AEBP2: variants seen among roughly 807,000 people sequenced by gnomAD.
AEBP2 encodes the protein zinc finger protein AEBP2.
A neutral mutation model predicts 50.8 loss-of-function variants in AEBP2; 10 were observed. The observed-to-expected ratio is 0.20, with a 90% confidence interval of 0.12 to 0.33. The LOEUF is 0.33. Ranked by LOEUF, AEBP2 falls within the 10% of genes least tolerant of loss-of-function variation. AEBP2 has a pLI of 1.00. For synonymous variants in AEBP2, 296 were observed against 261.3 expected, an observed-to-expected ratio of 1.13 and a Z score of -1.28; for missense variants, 570 against 688.0, an observed-to-expected ratio of 0.83 and a Z score of 1.92.
At chr12:19,474,446 G>C (rs185590283) in intron 3 of AEBP2, among the ~76,000 whole-genome samples, 3 of 152,060 alleles carry the variant, frequency 2.0e-5, no homozygotes, top group Admixed American at 6.5e-5. Context: ...TTATAGCAAA[G>C]GTTTACACTA....
intron 2 of AEBP2, among the ~76,000 whole-genome samples, chr12:19,463,749 C>T (rs1193054880): frequency 2.0e-5 from 3 of 147,586 alleles, no homozygotes; most frequent in Non-Finnish European, 4.4e-5. Flanking sequence ...TCTCAGCTCA[C>T]CGCAGCCTCT....
intron 1 of AEBP2, chr12:19,456,159 C>T: frequency 1.1e-6 from 1 of 941,188 alleles, no homozygotes; most frequent in Non-Finnish European, 1.6e-6. Flanking sequence ...TACTACTAAA[C>T]TTAAATGGCC....
intron 5 of AEBP2, chr12:19,509,038 A>G: frequency 3.4e-6 from 2 of 584,414 alleles, no homozygotes; most frequent in Admixed American, 1.9e-5. Context: ...CAAAATCTGC[A>G]TGTGGCATGT....
chr12:19,483,811 C>G (rs940076084), intron 3 of AEBP2, among the ~76,000 whole-genome samples: 1 of 152,060 alleles, frequency 6.6e-6, no homozygotes, highest in African/African-American at 2.4e-5. Flanking sequence ...AGTGATGAAT[C>G]CTGAATATGT....
At chr12:19,518,010 T>C (rs12821385) in intron 7 of AEBP2, 77 bp from the exon 8 acceptor site, 145,620 of 1,322,998 alleles carry the variant, frequency 0.11, 8,643 homozygotes, top group Middle Eastern at 0.16. Context: ...ATCTTATTAA[T>C]ATTTTTAATG....
chr12:19,464,432 T>C (rs1379073873), intron 2 of AEBP2, among the ~76,000 whole-genome samples: 1 of 152,150 alleles, frequency 6.6e-6, no homozygotes, highest in Admixed American at 6.5e-5. Context: ...TCTTAGTAGA[T>C]GTGGGAGAGG....
chr12:19,466,702 G>C, intron 2 of AEBP2: 1 of 686,130 alleles, frequency 1.5e-6, no homozygotes, highest in South Asian at 6.6e-5. Flanking sequence ...GATTTTGTTG[G>C]CCTAATTATT....
upstream of AEBP2, among the ~76,000 whole-genome samples, chr12:19,436,759 TAAC>T (rs1309994766): frequency 6.6e-6 from 1 of 151,812 alleles, no homozygotes; most frequent in Admixed American, 6.6e-5. Context: ...CCTGGCTAGT[TAAC>T]AACAAAAAAA....
chr12:19,405,925 C>T (rs781390674), intron 1 of AEBP2, among the ~76,000 whole-genome samples: 3 of 151,748 alleles, frequency 2.0e-5, no homozygotes, highest in Non-Finnish European at 4.4e-5. Context: ...TGTCAGCCTC[C>T]GGAGTAGCTG....
At chr12:19,422,311 C>T (rs552303831) in intron 1 of AEBP2, among the ~76,000 whole-genome samples, 21 of 152,074 alleles carry the variant, frequency 1.4e-4, no homozygotes, top group African/African-American at 4.8e-4. Context: ...AATCTACACT[C>T]GAAAGGAAGT....
Position 19,518,308 on chromosome 12 carries a change from GAATATATT to G in AEBP2, c.*201_*208del, listed in dbSNP as rs1455200988. 1 of 1,284,686 alleles carries G rather than the reference GAATATATT, an allele frequency of 7.8e-7. No individual in the cohort carries two copies. The highest frequency in any genetic ancestry group is 9.8e-7 in the Non-Finnish European group (1 of 1,017,286). The allele number at this position is 1,284,686 out of a possible 1,614,324, so 79.6% of individuals were successfully genotyped here. On this transcript the variant is annotated 3_prime_UTR_variant, in exon 8 of 8. Transcript: ENST00000266508. ...TGTGAATGAAGTAGACTCTTCGGTG[GAATATATT>G]AATATATTACTGTATATCCACATTT... is the stretch of plus-strand genomic sequence containing the variant.
At position 19,439,609 on chromosome 12, in the gene AEBP2, T is replaced by G; in HGVS notation, c.-91T>G. 1.4e-6 allele frequency: 2 copies of G among 1,440,914 alleles called. No homozygotes were observed. Among genetic ancestry groups the G allele is most frequent in the Non-Finnish European group, 1.8e-6 (2 of 1,088,774 alleles). 89.3% of individuals were successfully genotyped at this position (1,440,914 alleles called of 1,614,324 possible). ...TGCTCTGCAGCGGCGTCGGCGGAGT[T>G]TTGGGCGTTTGGGAGGGGGGCGAGG... On this transcript the variant is annotated 5_prime_UTR_variant, in exon 1 of 8. Transcript: ENST00000266508.
Position 19,518,322 on chromosome 12 carries a change from A to G in AEBP2, c.*205A>G, listed in dbSNP as rs1405959488. On this transcript the variant is annotated 3_prime_UTR_variant, in exon 8 of 8. Transcript: ENST00000266508. ...ACTCTTCGGTGGAATATATTAATATATTACTGTATATCCACATTTTCATGG... is the reference window on the plus strand; with the variant it reads ...ACTCTTCGGTGGAATATATTAATATGTTACTGTATATCCACATTTTCATGG... 2.4e-6 allele frequency: 3 copies of G among 1,263,296 alleles called. No homozygotes were observed. Among genetic ancestry groups the G allele is most frequent in the Non-Finnish European group, 3.0e-6 (3 of 1,005,836 alleles). 78.3% of individuals were successfully genotyped at this position (1,263,296 alleles called of 1,614,324 possible).
At chr12:19,451,211 C>T (rs1001110505) in intron 1 of AEBP2, among the ~76,000 whole-genome samples, 17 of 152,108 alleles carry the variant, frequency 1.1e-4, no homozygotes, top group Admixed American at 7.9e-4. Context: ...ATGATTTGGG[C>T]CGGGTTCTGC....
intron 5 of AEBP2, among the ~76,000 whole-genome samples, chr12:19,500,872 A>G (rs1253515972): frequency 6.6e-6 from 1 of 152,238 alleles, no homozygotes; most frequent in African/African-American, 2.4e-5. Context: ...TTGGTTAATT[A>G]GGAGTTGTAA....
At chr12:19,486,333 A>C (rs903814887) in intron 3 of AEBP2, among the ~76,000 whole-genome samples, 14 of 152,310 alleles carry the variant, frequency 9.2e-5, no homozygotes, top group African/African-American at 1.4e-4. Flanking sequence ...CACTGTACAG[A>C]TAAATCCATT....
chr12:19,419,392 A>G (rs2095744374), intron 1 of AEBP2, among the ~76,000 whole-genome samples: 1 of 151,772 alleles, frequency 6.6e-6, no homozygotes, highest in Admixed American at 6.6e-5. Context: ...AATCGAGACC[A>G]TCCTGGCTAC....
At chr12:19,452,504 C>CTTTT (rs753170316) in intron 1 of AEBP2, among the ~76,000 whole-genome samples, 1 of 147,604 alleles carries the variant, frequency 6.8e-6, no homozygotes, top group Non-Finnish European at 1.5e-5. Flanking sequence ...TTTTCTTTTT[C>CTTTT]TTTTTTTTTT....
At chr12:19,492,823 A>G (rs1372161809) in intron 3 of AEBP2, among the ~76,000 whole-genome samples, 1 of 151,928 alleles carries the variant, frequency 6.6e-6, no homozygotes, top group Admixed American at 6.6e-5. Flanking sequence ...AACAACAACA[A>G]AATATTAGTA....
Sources: gnomAD v4.1 joint callset for allele counts (sites outside exome capture counted in the v4.1 genomes callset) on GRCh38, gnomAD v4.1.1 for gene constraint, MANE v1.5 for transcripts, NCBI Gene and HGNC (gene_info 2026-07-23, HGNC 2026-07-21) for gene names.